The following CSMD1 variants were observed in gnomAD, a reference collection of about 807,000 sequenced individuals.
CSMD1 encodes the protein CUB and Sushi multiple domains 1, also known as CUB and sushi domain-containing protein 1.
Under a neutral mutation model 417.5 loss-of-function variants are expected in CSMD1, and 213 were observed. The ratio of observed to expected loss-of-function variants is 0.51; its 90% CI spans 0.46 to 0.57. The LOEUF (loss-of-function observed/expected upper bound fraction) is 0.57, where lower values mean the gene tolerates loss of function less well. Ranked by LOEUF, CSMD1 falls within the 20% of genes least tolerant of loss-of-function variation. The pLI is 0.00. For synonymous variants in CSMD1, 2,862 were observed against 1,736.8 expected (o/e 1.65, Z -16.11); for missense variants, 6,923 against 4,529.7 (o/e 1.53, Z -15.17).
chr8:3,661,655 C>G (rs1477923360), intron 7 of CSMD1, among the ~76,000 whole-genome samples: 1 of 152,062 alleles, frequency 6.6e-6, no homozygotes, highest in Non-Finnish European at 1.5e-5. Flanking sequence ...CACCATCTCG[C>G]CCAGCTAATT....
At chr8:4,989,921 T>C (rs1811374357) in intron 1 of CSMD1, among the ~76,000 whole-genome samples, 1 of 152,050 alleles carries the variant, frequency 6.6e-6, no homozygotes, top group African/African-American at 2.4e-5. Context: ...AACTGGAGAG[T>C]AAGGAAGCAT....
At chr8:4,890,217 C>T (rs1804018933) in intron 1 of CSMD1, among the ~76,000 whole-genome samples, 1 of 152,080 alleles carries the variant, frequency 6.6e-6, no homozygotes, top group African/African-American at 2.4e-5. Context: ...TTGATCTTGG[C>T]TCAGGCTGGA....
Position 4,077,043 on chromosome 8 carries a change from T to C in CSMD1, c.416-44944A>G, listed in dbSNP as rs181512000. 5.1e-4 allele frequency among the ~76,000 whole-genome samples: 77 copies of C among 152,236 alleles called. 2 individuals carry two copies. Among genetic ancestry groups the C allele is most frequent in the Admixed American group, 3.0e-3 (46 of 15,272 alleles). On this transcript the variant is annotated intron_variant, in intron 3 of 69. Coordinates refer to ENST00000635120, the MANE Select transcript of CSMD1 (RefSeq NM_033225.6). ...CAACTCTAGGTAATTCTGTACTATG[T>C]GGTATCTAACCCTTATTCTCAATAT...
At chr8:4,652,800 G>A (rs1803988437) in intron 1 of CSMD1, among the ~76,000 whole-genome samples, 1 of 152,130 alleles carries the variant, frequency 6.6e-6, no homozygotes, top group Non-Finnish European at 1.5e-5. Context: ...GTGTGGGGAT[G>A]GTTTTGGGGC....
chr8:4,405,588 G>C (rs183230735), intron 3 of CSMD1, among the ~76,000 whole-genome samples: 60 of 152,236 alleles, frequency 3.9e-4, no homozygotes, highest in African/African-American at 1.0e-3. Flanking sequence ...CAAAACGTGA[G>C]TTTGTTTGTT....
At chr8:3,253,807 T>A (rs995371227) in intron 26 of CSMD1, among the ~76,000 whole-genome samples, 4 of 152,270 alleles carry the variant, frequency 2.6e-5, no homozygotes, top group East Asian at 3.9e-4. Flanking sequence ...CAGCACACTG[T>A]AGGGTCTTGA....
At chr8:4,535,698 T>G (rs1797068987) in intron 2 of CSMD1, among the ~76,000 whole-genome samples, 1 of 152,146 alleles carries the variant, frequency 6.6e-6, no homozygotes, top group African/African-American at 2.4e-5. Context: ...ATCTCTTTAT[T>G]TACAATAAGG....
intron 5 of CSMD1, among the ~76,000 whole-genome samples, chr8:3,924,379 A>T (rs1809491563): frequency 6.6e-6 from 1 of 152,080 alleles, no homozygotes; most frequent in African/African-American, 2.4e-5. Flanking sequence ...CATTTAATTC[A>T]TTGGGCTTCA....
intron 5 of CSMD1, among the ~76,000 whole-genome samples, chr8:3,887,759 C>G (rs1806663784): frequency 6.6e-6 from 1 of 152,198 alleles, no homozygotes; most frequent in South Asian, 2.1e-4. Context: ...ACTGTAATAT[C>G]TCCCTAAATG....
At chr8:3,690,458 G>C (rs555808556) in intron 7 of CSMD1, among the ~76,000 whole-genome samples, 9 of 152,236 alleles carry the variant, frequency 5.9e-5, no homozygotes, top group Non-Finnish European at 1.2e-4. Flanking sequence ...TCACAGTAGT[G>C]TTCAAGGCTT....
chr8:4,666,094 G>A (rs964928656), intron 1 of CSMD1, among the ~76,000 whole-genome samples: 72 of 152,038 alleles, frequency 4.7e-4, no homozygotes, highest in Non-Finnish European at 2.4e-4. Context: ...TCTAGGTAAC[G>A]TTTCTGTGGT....
chr8:3,148,961 G>C (rs901816027), intron 40 of CSMD1, among the ~76,000 whole-genome samples: 1 of 152,172 alleles, frequency 6.6e-6, no homozygotes, highest in Non-Finnish European at 1.5e-5. Context: ...TTTCATGCCT[G>C]TTTGATTTGA....
chr8:4,313,819 G>C (rs1462317085), intron 3 of CSMD1, among the ~76,000 whole-genome samples: 2 of 151,948 alleles, frequency 1.3e-5, no homozygotes, highest in African/African-American at 4.8e-5. Context: ...TTCGAGACTA[G>C]CCTGACCAAT....
chr8:4,838,443 G>T (rs1031639150), intron 1 of CSMD1, among the ~76,000 whole-genome samples: 1 of 152,186 alleles, frequency 6.6e-6, no homozygotes, highest in South Asian at 2.1e-4. Flanking sequence ...CAAACCAGAG[G>T]GAAGGGAAAC....
At chr8:4,895,757 G>T (rs965237510) in intron 1 of CSMD1, among the ~76,000 whole-genome samples, 6 of 151,200 alleles carry the variant, frequency 4.0e-5, no homozygotes, top group Admixed American at 3.3e-4. Context: ...ATTAACCAAA[G>T]ATATTAAACT....
intron 1 of CSMD1, among the ~76,000 whole-genome samples, chr8:4,758,197 C>G (rs1811794992): frequency 6.6e-6 from 1 of 152,104 alleles, no homozygotes; most frequent in Non-Finnish European, 1.5e-5. Context: ...ACAAGAGTTA[C>G]CTGGCTCTGA....
chr8:4,266,264 C>T lies in CSMD1; in HGVS notation c.415+153689G>A, dbSNP rs541671943. Among the ~76,000 whole-genome samples the T allele has an allele frequency of 2.2e-4, 23 of 104,260 alleles. 3 individuals carry two copies. Among genetic ancestry groups the T allele is most frequent in the African/African-American group, 4.7e-4 (18 of 38,328 alleles). The allele number at this position is 104,260 out of a possible 152,430, so 68.4% of individuals were successfully genotyped here. On this transcript the variant is annotated intron_variant, in intron 3 of 69. Coordinates refer to ENST00000635120, the MANE Select transcript of CSMD1 (RefSeq NM_033225.6). ...TACAACTCATTTAAAAATTTAATACCAAAGAAAATTTTATAAATTTTTGTT... is the reference window on the plus strand; with the variant it reads ...TACAACTCATTTAAAAATTTAATACTAAAGAAAATTTTATAAATTTTTGTT...
At chr8:4,813,070 G>C (rs565054838) in intron 1 of CSMD1, among the ~76,000 whole-genome samples, 1 of 152,198 alleles carries the variant, frequency 6.6e-6, no homozygotes, top group South Asian at 2.1e-4. Context: ...CTCTGGCAGA[G>C]GTAGATATTT....
rs1303415923 is a variant in CSMD1, at chr8:3,388,344, C to T, written c.2594-662G>A. ...TCATTATGAGAGTTTCTTTTCTCCT[C>T]TCACATTTCTCATTTCTCTTTTTAG... On this transcript the variant is annotated intron_variant, in intron 17 of 69. Transcript: ENST00000635120. 3.9e-5 allele frequency among the ~76,000 whole-genome samples: 6 copies of T among 152,170 alleles called. No individual in the cohort carries two copies. The South Asian group carries it at 1.2e-3, about 32-fold the overall frequency.
Sources: allele counts gnomAD v4.1 joint callset (sites outside exome capture counted in the v4.1 genomes callset), GRCh38; gene constraint gnomAD v4.1.1; transcripts MANE v1.5; gene names NCBI Gene and HGNC (gene_info 2026-07-23, HGNC 2026-07-21).